Variants in AADACL4 observed in about 807,000 individuals in gnomAD.
The protein encoded by AADACL4 is arylacetamide deacetylase-like 4.
In AADACL4, 9 loss-of-function variants were observed where a neutral mutation model predicts 14.1. That is an observed-to-expected ratio of 0.64 (90% confidence interval 0.39 to 1.12). The LOEUF is 1.12. Among genes scored for constraint, AADACL4 ranks in the 50% most tolerant of loss-of-function variants. The pLI is 0.01. For missense variants in AADACL4, 531 were observed against 516.1 expected, an observed-to-expected ratio of 1.03 and a Z score of -0.28; for synonymous variants, 188 against 201.6, an observed-to-expected ratio of 0.93 and a Z score of 0.57.
At chr1:12,660,789 A>G (rs1570433099) in intron 2 of AADACL4, among the ~76,000 whole-genome samples, 1 of 152,138 alleles carries the variant, frequency 6.6e-6, no homozygotes, top group South Asian at 2.1e-4. Flanking sequence ...GACTACAGGC[A>G]TGTGCCACCA....
Position 12,648,388 on chromosome 1 carries a change from C to CCTTCCTTCCTTCCTTCCTTCCTTT in AADACL4, c.169-2732_169-2731insCCTTCCTTCCTTCCTTCCTTTCTT, listed in dbSNP as rs1487579652. ...TCCTTCCTTCCTTCCTTCCTTCCTT[C>CCTTCCTTCCTTCCTTCCTTCCTTT]CTTTCTTTCCTTCTTTCCTTTTTTT... On this transcript the variant is annotated intron_variant, in intron 1 of 3. Transcript: ENST00000376221. 7.7e-4 allele frequency among the ~76,000 whole-genome samples: 113 copies of CCTTCCTTCCTTCCTTCCTTCCTTT among 146,842 alleles called. 1 individual carries two copies. The highest frequency in any genetic ancestry group is 2.8e-3 in the African/African-American group (106 of 38,522).
intron 3 of AADACL4, 27 bp from the exon 4 acceptor site, chr1:12,665,934 T>C: frequency 1.3e-6 from 2 of 1,581,338 alleles, no homozygotes; most frequent in Non-Finnish European, 1.7e-6. Flanking sequence ...CACACTGGTG[T>C]AGTGTTGCTC....
chr1:12,665,201 CT>C (rs1647293476), intron 3 of AADACL4, among the ~76,000 whole-genome samples: 1 of 151,936 alleles, frequency 6.6e-6, no homozygotes, highest in Non-Finnish European at 1.5e-5. Flanking sequence ...CTAGCCAATT[CT>C]TTTAAATTAG....
intron 2 of AADACL4, among the ~76,000 whole-genome samples, chr1:12,653,836 AC>A (rs1453185426): frequency 5.9e-5 from 9 of 152,052 alleles, no homozygotes; most frequent in Non-Finnish European, 1.3e-4. Flanking sequence ...GAGAACCTAT[AC>A]CCTCTTTTTC....
Position 12,666,408 on chromosome 1 carries a change from C to G in AADACL4, c.897C>G (p.Tyr299Ter). 1 of 1,614,142 alleles carries G rather than the reference C, an allele frequency of 6.2e-7. No individual in the cohort carries two copies. The highest frequency in any genetic ancestry group is 8.5e-7 in the Non-Finnish European group (1 of 1,180,036). ...CCAAGAAATTTAAGAACAGAGGCTACCAACCCTGGTCTCCCGGCCCTTTTA... is the reference window on the plus strand; with the variant it reads ...CCAAGAAATTTAAGAACAGAGGCTAGCAACCCTGGTCTCCCGGCCCTTTTA... ...NIPKKFKNRG[Y>*]QPWSPGPFNE... The change falls in exon 4 of 4, where the codon TAC (tyrosine) becomes TAG (stop). Residue 299 changes from tyrosine (Y) to a stop codon, truncating the protein, a stop_gained. Transcript: ENST00000376221. LOFTEE classifies it low-confidence loss of function (END_TRUNC).
Position 12,666,455 on chromosome 1 carries a change from C to T in AADACL4, c.944C>T (p.Ala315Val), listed in dbSNP as rs1365333771. ...GPFNEAAYLE[A>V]KHMLDVENSP... ...TTTAATGAAGCTGCCTATCTAGAAG[C>T]CAAACATATGCTGGATGTAGAAAAT... The change falls in exon 4 of 4, where the codon GCC (alanine) becomes GTC (valine). Residue 315 changes from alanine to valine, a missense_variant. Coordinates refer to ENST00000376221, the MANE Select transcript of AADACL4 (RefSeq NM_001013630.2). 6.2e-7 allele frequency: 1 copy of T among 1,614,144 alleles called. No homozygotes were observed. The highest frequency in any genetic ancestry group is 1.7e-5 in the Admixed American group (1 of 60,016).
At chr1:12,660,519 C>A (rs1219556914) in intron 2 of AADACL4, among the ~76,000 whole-genome samples, 2 of 152,152 alleles carry the variant, frequency 1.3e-5, no homozygotes, top group South Asian at 4.1e-4. Flanking sequence ...GGGAAGATGA[C>A]ACCCAGGTTG....
At chr1:12,665,718 G>A (rs558205592) in intron 3 of AADACL4, among the ~76,000 whole-genome samples, 9 of 152,162 alleles carry the variant, frequency 5.9e-5, no homozygotes, top group Non-Finnish European at 1.3e-4. Flanking sequence ...GCATCACCTC[G>A]TATAGAGTTT....
intron 3 of AADACL4, 23 bp downstream of exon 3, chr1:12,661,877 T>A (rs1250064247): frequency 1.9e-6 from 3 of 1,611,694 alleles, no homozygotes; most frequent in Non-Finnish European, 1.7e-6. Context: ...AGACAGCTGG[T>A]AGGTTCCACA....
intron 2 of AADACL4, among the ~76,000 whole-genome samples, chr1:12,657,293 G>C (rs1420162176): frequency 6.6e-6 from 1 of 152,070 alleles, no homozygotes; most frequent in East Asian, 1.9e-4. Context: ...GCTGTAGCTA[G>C]CTCCAAGAAA....
chr1:12,644,615 T>C lies in AADACL4; in HGVS notation c.69T>C (p.Ala23=). 1 of 1,614,204 alleles carries C rather than the reference T, an allele frequency of 6.2e-7. No homozygotes were observed. The highest frequency in any genetic ancestry group is 1.1e-5 in the South Asian group (1 of 91,080). ...PIFFLGVFVW[A]VFEHFLTTDI... is the part of the protein sequence containing the mutation. ...TTTTCCTGGGGGTCTTTGTCTGGGCTGTCTTTGAGCACTTCCTCACCACGG... is the reference window on the plus strand; with the variant it reads ...TTTTCCTGGGGGTCTTTGTCTGGGCCGTCTTTGAGCACTTCCTCACCACGG... The change falls in exon 1 of 4, where the codon GCT becomes GCC. Residue 23 remains alanine (A), a synonymous_variant. Coordinates refer to ENST00000376221, the MANE Select transcript of AADACL4 (RefSeq NM_001013630.2).
intron 3 of AADACL4, 52 bp downstream of exon 3, chr1:12,661,906 G>C: frequency 6.4e-7 from 1 of 1,570,996 alleles, no homozygotes; most frequent in Non-Finnish European, 8.8e-7. Flanking sequence ...AGGAGATAGG[G>C]TAAGTTCATG....
In AADACL4 at chr1:12,651,561, G is replaced by A. The variant is rs1204176783; in HGVS notation, c.385+222G>A. On this transcript the variant is annotated intron_variant, in intron 2 of 3. Coordinates refer to ENST00000376221, the MANE Select transcript of AADACL4 (RefSeq NM_001013630.2). ...TCTTTTCTTTAATATGATGGTCTCA[G>A]TCAAGATGGGGACAGCAGTGGTCAT... is the stretch of plus-strand genomic sequence containing the variant. Among the ~76,000 whole-genome samples the A allele has an allele frequency of 2.0e-5, 3 of 152,284 alleles. No individual in the cohort carries two copies. In the South Asian group the frequency reaches 6.2e-4, roughly 32 times the overall value.
intron 2 of AADACL4, among the ~76,000 whole-genome samples, chr1:12,658,241 C>T (rs140302150): frequency 0.017 from 2,394 of 142,996 alleles, 32 homozygotes; most frequent in Middle Eastern, 0.04. Context: ...CCCTCCTTCC[C>T]CTTCCTTCCT....
chr1:12,661,474 G>A (rs1369899378), intron 2 of AADACL4, among the ~76,000 whole-genome samples: 1 of 152,116 alleles, frequency 6.6e-6, no homozygotes, highest in Non-Finnish European at 1.5e-5. Context: ...TCCTAGGGCA[G>A]GCATGCCTAA....
chr1:12,653,534 T>C (rs533697947), intron 2 of AADACL4, among the ~76,000 whole-genome samples: 2 of 152,346 alleles, frequency 1.3e-5, no homozygotes, highest in South Asian at 2.1e-4. Context: ...GAATTGTTGA[T>C]ATAAGAACAA....
Position 12,665,985 on chromosome 1 carries a change from T to A in AADACL4, c.474T>A (p.His158Gln), listed in dbSNP as rs753842879. ...GGTACCGCAAGCTTCCTGACCACCA[T>A]TCCCCTGCCCTTTTCCAAGACTGCA... ...MIGYRKLPDH[H>Q]SPALFQDCMN... The change falls in exon 4 of 4, where the codon CAT becomes CAA. Residue 158 changes from histidine (H) to glutamine (Q), a missense_variant. Transcript: ENST00000376221. 2 of 1,610,068 alleles carry A rather than the reference T, an allele frequency of 1.2e-6. No individual in the cohort carries two copies. The highest frequency in any genetic ancestry group is 2.7e-5 in the African/African-American group (2 of 74,934).
chr1:12,666,829 T>G lies in AADACL4; in HGVS notation c.*94T>G. The G allele has an allele frequency of 2.3e-6, 3 of 1,293,424 alleles. No individual in the cohort carries two copies. The highest frequency in any genetic ancestry group is 3.2e-6 in the Non-Finnish European group (3 of 946,554). The allele number at this position is 1,293,424 out of a possible 1,614,324, so 80.1% of individuals were successfully genotyped here. On this transcript the variant is annotated 3_prime_UTR_variant, in exon 4 of 4. Coordinates refer to ENST00000376221, the MANE Select transcript of AADACL4 (RefSeq NM_001013630.2). ...AGTTCTATTTTATTGACTAAAGAGG[T>G]GCTACATCAATGCTTGGGGCAGCTG...
chr1:12,656,351 G>T (rs1467395615), intron 2 of AADACL4, among the ~76,000 whole-genome samples: 2 of 152,216 alleles, frequency 1.3e-5, no homozygotes, highest in Non-Finnish European at 1.5e-5. Flanking sequence ...AGGCATCTCT[G>T]GAGTCTCAGT....
Sources: gnomAD v4.1 joint callset for allele counts (sites outside exome capture counted in the v4.1 genomes callset) on GRCh38, gnomAD v4.1.1 for gene constraint, MANE v1.5 for transcripts, NCBI Gene and HGNC (gene_info 2026-07-23, HGNC 2026-07-21) for gene names.